The following ASTN2 variants were observed in gnomAD, a reference collection of about 807,000 sequenced individuals.
The protein encoded by ASTN2 is astrotactin-2.
In ASTN2, 54 loss-of-function variants were observed where a neutral mutation model predicts 139.8. The ratio of observed to expected loss-of-function variants is 0.39; its 90% CI spans 0.31 to 0.48. The LOEUF is 0.48. ASTN2 is among the 20% of genes least tolerant of loss of function. ASTN2 has a pLI of 0.95. For missense variants in ASTN2, 1,565 were observed against 1,725.1 expected, an observed-to-expected ratio of 0.91 and a Z score of 1.64; for synonymous variants, 756 against 719.5, an observed-to-expected ratio of 1.05 and a Z score of -0.81.
At position 116,748,372 on chromosome 9, in the gene ASTN2, G is replaced by GCCTTAATC. The variant is rs549363089; in HGVS notation, c.2397-14857_2397-14850dup. On this transcript the variant is annotated intron_variant, in intron 13 of 22. Transcript: ENST00000313400. ...GTCCAACCCTCCTGCTCCAGCTCCA[G>GCCTTAATC]CCTTAATCCCAGGACTGCAGGATGC... Among the ~76,000 whole-genome samples, 721 of 152,280 alleles carry GCCTTAATC rather than the reference G, an allele frequency of 4.7e-3. 7 individuals carry two copies. The highest frequency in any genetic ancestry group is 0.016 in the African/African-American group (683 of 41,562).
At chr9:117,003,953 C>CGTGT (rs3038371) in intron 7 of ASTN2, among the ~76,000 whole-genome samples, 2 of 146,286 alleles carry the variant, frequency 1.4e-5, no homozygotes, top group African/African-American at 5.2e-5. Context: ...CGCGCGCGCG[C>CGTGT]GTGTGTGTGT....
intron 19 of ASTN2, among the ~76,000 whole-genome samples, chr9:116,507,423 T>C (rs1564327433): frequency 6.6e-6 from 1 of 152,102 alleles, no homozygotes; most frequent in Non-Finnish European, 1.5e-5. Flanking sequence ...CCAATTAGAA[T>C]CAAACCAGAC....
intron 11 of ASTN2, among the ~76,000 whole-genome samples, chr9:116,855,593 C>T (rs1832719421): frequency 6.6e-6 from 1 of 152,104 alleles, no homozygotes; most frequent in Non-Finnish European, 1.5e-5. Flanking sequence ...AGAAAGTGCC[C>T]CTCTCTTCAT....
chr9:116,478,136 GAGGGAGGGATACAGGAAGGA>G (rs1747434752), intron 20 of ASTN2, among the ~76,000 whole-genome samples: 1 of 143,694 alleles, frequency 7.0e-6, no homozygotes, highest in Non-Finnish European at 1.5e-5. Flanking sequence ...GAAAGGAAGG[GAGGGAGGGATACAGGAAGGA>G]AGGGAAGGAG....
At chr9:116,538,601 G>C (rs1363218581) in intron 19 of ASTN2, among the ~76,000 whole-genome samples, 5 of 152,148 alleles carry the variant, frequency 3.3e-5, no homozygotes, top group Non-Finnish European at 7.3e-5. Context: ...TTGCCTGTTG[G>C]ATCTCAGAGT....
At chr9:117,142,437 G>A (rs1588010101) in intron 3 of ASTN2, among the ~76,000 whole-genome samples, 2 of 152,244 alleles carry the variant, frequency 1.3e-5, no homozygotes, top group South Asian at 2.1e-4. Context: ...TGGATATGTC[G>A]ATCACTTAGC....
At position 116,986,771 on chromosome 9, in the gene ASTN2, A is replaced by G. The variant is rs563296926; in HGVS notation, c.1592-9986T>C. On this transcript the variant is annotated intron_variant, in intron 7 of 22. Coordinates refer to ENST00000313400, the MANE Select transcript of ASTN2 (RefSeq NM_001365068.1). ...TGTGCCAGAGCCAGAACTGGAATCC[A>G]TCCAGCAACTGTGCTGCTTCAGAGA... Among the ~76,000 whole-genome samples the G allele has an allele frequency of 3.6e-4, 55 of 152,328 alleles. No homozygotes were observed. The Middle Eastern group carries it at 0.017, about 47-fold the overall frequency.
At position 117,414,862 on chromosome 9, in the gene ASTN2, G is replaced by A. The variant is rs1286454438; in HGVS notation, c.77C>T (p.Pro26Leu). The A allele has an allele frequency of 1.7e-5, 18 of 1,070,298 alleles. No individual in the cohort carries two copies. The highest frequency in any genetic ancestry group is 4.9e-5 in the Admixed American group (1 of 20,538). The allele number at this position is 1,070,298 out of a possible 1,614,324, so 66.3% of individuals were successfully genotyped here. A position where few individuals can be genotyped will look rare whatever the true frequency, so the allele number is the denominator to read the frequency against. ...LRGRPRLCFH[P>L]GPPPLLPLLL... Reference sequence around the variant, plus strand: ...CAGCGGCAGCAGTGGCGGCGGCCCCGGGTGGAAGCAGAGCCTCGGCCGCCC... The same window carrying A: ...CAGCGGCAGCAGTGGCGGCGGCCCCAGGTGGAAGCAGAGCCTCGGCCGCCC... The change falls in exon 1 of 23, where the codon CCG becomes CTG. Residue 26 changes from proline to leucine, a missense_variant. This residue lies in a region of ASTN2 where 596 missense variants were observed against 576.8 expected (regional missense o/e 1.03). Coordinates refer to ENST00000313400, the MANE Select transcript of ASTN2 (RefSeq NM_001365068.1). This position sits in a 1 kb window ranked among gnomAD's most constrained non-coding sequence, Gnocchi z 4.2.
chr9:116,531,334 CAT>C (rs1851334572), intron 19 of ASTN2, among the ~76,000 whole-genome samples: 1 of 152,146 alleles, frequency 6.6e-6, no homozygotes, highest in African/African-American at 2.4e-5. Flanking sequence ...GTTCTTTTGA[CAT>C]ATGATACAGA....
At chr9:116,908,165 G>A (rs917125496) in intron 10 of ASTN2, among the ~76,000 whole-genome samples, 41 of 152,068 alleles carry the variant, frequency 2.7e-4, no homozygotes, top group African/African-American at 4.8e-5. Context: ...ATATCTTCTA[G>A]GTTAACAAAT....
intron 16 of ASTN2, among the ~76,000 whole-genome samples, chr9:116,679,123 T>A (rs187795073): frequency 5.4e-4 from 83 of 152,308 alleles, no homozygotes; most frequent in Admixed American, 1.0e-3. Flanking sequence ...TTTTTCTTTT[T>A]AAAAATTTTT....
intron 5 of ASTN2, among the ~76,000 whole-genome samples, chr9:117,066,108 A>G (rs10817990): frequency 0.45 from 60,978 of 136,830 alleles, 14,024 homozygotes; most frequent in East Asian, 0.62. Context: ...ATGCTGGTGC[A>G]CTGCACCCAC....
intron 19 of ASTN2, among the ~76,000 whole-genome samples, chr9:116,534,457 G>T (rs13294352): frequency 0.38 from 57,886 of 152,002 alleles, 11,293 homozygotes; most frequent in East Asian, 0.57. Flanking sequence ...TGATGTTAGG[G>T]TGTCAATTTT....
At chr9:116,960,894 T>G (rs1195709897) in intron 10 of ASTN2, among the ~76,000 whole-genome samples, 1 of 152,132 alleles carries the variant, frequency 6.6e-6, no homozygotes, top group East Asian at 1.9e-4. Flanking sequence ...CCAGAACCTG[T>G]GAAGTCCAGT....
intron 12 of ASTN2, among the ~76,000 whole-genome samples, chr9:116,820,054 A>T (rs1412067828): frequency 6.6e-6 from 1 of 152,216 alleles, no homozygotes; most frequent in Non-Finnish European, 1.5e-5. Context: ...TGAGTCCTTC[A>T]AGAGCCAGAG....
In ASTN2 at chr9:116,632,177, AGAGAGAGGG is replaced by A. The variant is rs1564168758; in HGVS notation, c.3073-11743_3073-11735del. Among the ~76,000 whole-genome samples the A allele has an allele frequency of 1.5e-3, 32 of 20,834 alleles. 2 individuals are homozygous for A. Among genetic ancestry groups the A allele is most frequent in the African/African-American group, 5.8e-3 (29 of 5,036 alleles). The allele number at this position is 20,834 out of a possible 152,430, so 13.7% of individuals were successfully genotyped here. On this transcript the variant is annotated intron_variant, in intron 17 of 22. Transcript: ENST00000313400. ...GAGAGACAGAGAGAGAGAGAGAGAG[AGAGAGAGGG>A]AGAGAGAGAGAAAGAAAGAAAAGAA...
intron 11 of ASTN2, among the ~76,000 whole-genome samples, chr9:116,844,470 G>A (rs1035251321): frequency 6.6e-6 from 1 of 152,170 alleles, no homozygotes; most frequent in East Asian, 1.9e-4. Flanking sequence ...GCAAGCTTGG[G>A]CTTGAATCCC....
Position 116,728,989 on chromosome 9 carries a change from C to T in ASTN2, c.2626+3G>A. The stretch of plus-strand genomic sequence containing the variant: ...CCCTGGCTGCCCAGGCAGTGGTCCT[C>T]ACCTGCTGCGAGGGTGATGGTGCTG... On this transcript the variant is annotated splice_donor_region_variant and intron_variant, in intron 15 of 22. Coordinates refer to ENST00000313400, the MANE Select transcript of ASTN2 (RefSeq NM_001365068.1). 1 of 1,578,454 alleles carries T rather than the reference C, an allele frequency of 6.3e-7. No homozygotes were observed. The highest frequency in any genetic ancestry group is 1.2e-5 in the South Asian group (1 of 86,258).
intron 11 of ASTN2, among the ~76,000 whole-genome samples, chr9:116,830,239 C>T (rs1375557741): frequency 6.6e-6 from 1 of 152,116 alleles, no homozygotes; most frequent in Non-Finnish European, 1.5e-5. Flanking sequence ...AAATGTTCAA[C>T]ATTACTATTC....
Sources: allele counts gnomAD v4.1 joint callset (sites outside exome capture counted in the v4.1 genomes callset), GRCh38; gene constraint gnomAD v4.1.1; regional missense constraint gnomAD v4.1.1; non-coding constraint Gnocchi (gnomAD v3.1); transcripts MANE v1.5; gene names NCBI Gene and HGNC (gene_info 2026-07-23, HGNC 2026-07-21).